The following NCALD variants were observed in gnomAD, a reference collection of about 807,000 sequenced individuals.
NCALD encodes the protein neurocalcin delta, also known as neurocalcin-delta.
A neutral mutation model predicts 18.6 loss-of-function variants in NCALD; 10 were observed. The observed-to-expected ratio is 0.54, with a 90% CI of 0.33 to 0.91. The LOEUF is 0.91. NCALD is among the 40% of genes least tolerant of loss of function. NCALD has a pLI of 0.03. For missense variants in NCALD, 184 were observed against 247.6 expected (o/e 0.74, Z 1.72); for synonymous variants, 88 against 87.4 (o/e 1.01, Z -0.04).
chr8:102,107,981 A>G (rs1199649484), intron 1 of NCALD, among the ~76,000 whole-genome samples: 1 of 152,156 alleles, frequency 6.6e-6, no homozygotes, highest in East Asian at 1.9e-4. Context: ...AAAGGGCAAG[A>G]GTAGGGGCAG....
intron 2 of NCALD, among the ~76,000 whole-genome samples, chr8:101,939,615 T>A (rs1818884180): frequency 1.3e-5 from 2 of 152,028 alleles, no homozygotes; most frequent in Admixed American, 6.5e-5. Flanking sequence ...GTAAAAAAAA[T>A]AAATAAATAA....
chr8:101,835,218 A>T (rs1458097569), intron 4 of NCALD, among the ~76,000 whole-genome samples: 1 of 152,236 alleles, frequency 6.6e-6, no homozygotes, highest in African/African-American at 2.4e-5. Flanking sequence ...CCCGTGCAGT[A>T]AGTGCCACTT....
intron 2 of NCALD, among the ~76,000 whole-genome samples, chr8:101,975,987 T>C (rs1820409165): frequency 6.6e-6 from 1 of 152,122 alleles, no homozygotes; most frequent in Admixed American, 6.5e-5. Flanking sequence ...TGGCAGGAGA[T>C]TGGGAGGTGG....
chr8:101,730,552 T>A (rs1366843169), intron 1 of NCALD, among the ~76,000 whole-genome samples: 1 of 151,644 alleles, frequency 6.6e-6, no homozygotes, highest in African/African-American at 2.4e-5. Flanking sequence ...TGTAGCTCAT[T>A]TACCCTTTCA....
chr8:101,922,107 A>C (rs78215541), intron 2 of NCALD, among the ~76,000 whole-genome samples: 1,775 of 152,040 alleles, frequency 0.012, 41 homozygotes, highest in African/African-American at 0.041. Context: ...AAAGTGTTTT[A>C]TGATTTAAAA....
chr8:102,004,718 T>C (rs1162192911), intron 2 of NCALD, among the ~76,000 whole-genome samples: 2 of 151,880 alleles, frequency 1.3e-5, no homozygotes, highest in African/African-American at 4.8e-5. Flanking sequence ...CCCTCAGAAA[T>C]AATGCCACAT....
chr8:101,763,965 T>C lies in NCALD; in HGVS notation c.-20+26897A>G, dbSNP rs866132431. On this transcript the variant is annotated intron_variant, in intron 1 of 3. Transcript: ENST00000220931. ...TTTATGACAAATTTCTCTCTCTCTC[T>C]CCACACACACACACACACACACACA... Among the ~76,000 whole-genome samples, 6 of 101,442 alleles carry C rather than the reference T, an allele frequency of 5.9e-5. No homozygotes were observed. In the East Asian group the frequency reaches 1.2e-3, roughly 20 times the overall value. 66.5% of individuals were successfully genotyped at this position (101,442 alleles called of 152,430 possible). A position where few individuals can be genotyped will look rare whatever the true frequency, so the allele number is the denominator to read the frequency against.
At chr8:101,944,210 T>C (rs1166838947) in intron 2 of NCALD, among the ~76,000 whole-genome samples, 1 of 151,802 alleles carries the variant, frequency 6.6e-6, no homozygotes, top group East Asian at 1.9e-4. Flanking sequence ...TTTGAGAGAG[T>C]CTTTGTCACG....
At chr8:102,095,606 T>C (rs1185884399) in intron 1 of NCALD, among the ~76,000 whole-genome samples, 2 of 152,130 alleles carry the variant, frequency 1.3e-5, no homozygotes, top group African/African-American at 2.4e-5. Context: ...CTTAGAAGCA[T>C]TGGGGAGATA....
At chr8:102,023,970 G>A (rs1316873422) in intron 1 of NCALD, among the ~76,000 whole-genome samples, 1 of 152,120 alleles carries the variant, frequency 6.6e-6, no homozygotes, top group Non-Finnish European at 1.5e-5. Flanking sequence ...CTCTTTACAT[G>A]GCAGTTTCAC....
At chr8:101,865,476 A>G (rs539024742) in intron 4 of NCALD, among the ~76,000 whole-genome samples, 97 of 152,116 alleles carry the variant, frequency 6.4e-4, no homozygotes, top group Middle Eastern at 3.4e-3. Flanking sequence ...TCGTCACTCA[A>G]TTTTTCTCTT....
chr8:101,897,673 A>G (rs1477206940), intron 3 of NCALD, among the ~76,000 whole-genome samples: 1 of 152,202 alleles, frequency 6.6e-6, no homozygotes, highest in Non-Finnish European at 1.5e-5. Context: ...GTTTATCTGG[A>G]ATAAGTGTCC....
intron 2 of NCALD, among the ~76,000 whole-genome samples, chr8:102,000,303 G>C (rs1473500983): frequency 4.6e-5 from 7 of 152,186 alleles, no homozygotes; most frequent in Admixed American, 4.6e-4. Context: ...AGATCAAACT[G>C]CAAGATGGCA....
intron 4 of NCALD, among the ~76,000 whole-genome samples, chr8:101,857,686 AACAAGAT>A (rs1312082506): frequency 6.6e-6 from 1 of 152,198 alleles, no homozygotes; most frequent in Non-Finnish European, 1.5e-5. Flanking sequence ...AAAGAAGGAG[AACAAGAT>A]AGAGTTCTTT....
At chr8:101,781,837 T>C (rs902067600) in intron 1 of NCALD, among the ~76,000 whole-genome samples, 1 of 151,998 alleles carries the variant, frequency 6.6e-6, no homozygotes, top group African/African-American at 2.4e-5. Context: ...CTTTTTTGCA[T>C]GTATAATTTA....
intron 1 of NCALD, among the ~76,000 whole-genome samples, chr8:101,731,223 A>T (rs1204665088): frequency 1.3e-5 from 2 of 152,218 alleles, no homozygotes; most frequent in South Asian, 4.2e-4. Context: ...TATGAAGGAG[A>T]TGACGTCAGC....
At chr8:101,794,586 C>T (rs1050384715), upstream of NCALD, among the ~76,000 whole-genome samples, 10 of 152,116 alleles carry the variant, frequency 6.6e-5, no homozygotes, top group African/African-American at 2.4e-4. Flanking sequence ...ACGGTTCTTG[C>T]TGTTGATGTT....
intron 2 of NCALD, among the ~76,000 whole-genome samples, chr8:102,015,094 C>T (rs545840520): frequency 3.3e-5 from 5 of 152,126 alleles, no homozygotes; most frequent in African/African-American, 7.2e-5. Flanking sequence ...ATGTACTTCT[C>T]GACCCATAGA....
intron 3 of NCALD, among the ~76,000 whole-genome samples, chr8:101,902,524 T>C (rs1035521121): frequency 3.9e-5 from 6 of 152,158 alleles, no homozygotes; most frequent in African/African-American, 7.2e-5. Flanking sequence ...AGAGTTCCTC[T>C]ACAGAGCAAT....
Sources: gnomAD v4.1 joint callset for allele counts (sites outside exome capture counted in the v4.1 genomes callset) on GRCh38, gnomAD v4.1.1 for gene constraint, MANE v1.5 for transcripts, NCBI Gene and HGNC (gene_info 2026-07-23, HGNC 2026-07-21) for gene names.